Variants in NFIX observed in about 807,000 individuals in gnomAD.
The protein encoded by NFIX is nuclear factor I X.
NFIX carries 2 observed loss-of-function variants against 53.3 expected under a neutral mutation model. The observed-to-expected ratio is 0.04, with a 90% CI of 0.02 to 0.12. NFIX has a LOEUF of 0.12. NFIX is among the 10% of genes least tolerant of loss of function. The pLI, the probability that NFIX is intolerant of heterozygous loss-of-function variation, is 1.00. For missense variants in NFIX, 310 were observed against 674.5 expected (o/e 0.46, Z 5.99); for synonymous variants, 244 against 289.0 (o/e 0.84, Z 1.58).
At position 13,045,313 on chromosome 19, in the gene NFIX, G is replaced by T. The variant is rs1316677361; in HGVS notation, c.559+19761G>T. On this transcript the variant is annotated intron_variant, in intron 2 of 10. Coordinates refer to ENST00000592199, the MANE Select transcript of NFIX (RefSeq NM_001365902.3). This position sits in a 1 kb window ranked among gnomAD's most constrained non-coding sequence, Gnocchi z 4.4. ...TGCATGTGTTCCTGATAGCACAGGGGTTCTCAGTGAGGGTGGTTCTGCCCC... is the reference window on the plus strand; with the variant it reads ...TGCATGTGTTCCTGATAGCACAGGGTTTCTCAGTGAGGGTGGTTCTGCCCC... 6.6e-6 allele frequency among the ~76,000 whole-genome samples: 1 copy of T among 152,182 alleles called. No individual in the cohort carries two copies. Among genetic ancestry groups the T allele is most frequent in the East Asian group, 1.9e-4 (1 of 5,192 alleles).
chr19:13,083,102 ACT>A (rs2017569481), intron 8 of NFIX, among the ~76,000 whole-genome samples: 2 of 151,700 alleles, frequency 1.3e-5, no homozygotes, highest in South Asian at 4.2e-4. Flanking sequence ...CTCTTGGCTG[ACT>A]CTGCAGCTCC....
intron 1 of NFIX, among the ~76,000 whole-genome samples, chr19:13,003,368 CAT>C (rs2011830276): frequency 6.6e-6 from 1 of 152,198 alleles, no homozygotes; most frequent in Non-Finnish European, 1.5e-5. Flanking sequence ...CACACGATCA[CAT>C]GCCATGAAGC....
At chr19:13,018,808 G>A (rs1407657635) in intron 1 of NFIX, among the ~76,000 whole-genome samples, 1 of 152,244 alleles carries the variant, frequency 6.6e-6, no homozygotes, top group South Asian at 2.1e-4. Context: ...CTTGGGACAA[G>A]GTGGGAGAGC....
At chr19:13,076,756 G>A (rs1599851492) in intron 6 of NFIX, among the ~76,000 whole-genome samples, 1 of 152,210 alleles carries the variant, frequency 6.6e-6, no homozygotes, top group Admixed American at 6.5e-5. Context: ...GTCTGGGGTG[G>A]AGCGAGGTGG....
At position 13,094,931 on chromosome 19, in the gene NFIX, G is replaced by A. The variant is rs1217770074; in HGVS notation, c.*282G>A. 4.6e-6 allele frequency: 2 copies of A among 437,308 alleles called. No homozygotes were observed. Among genetic ancestry groups the A allele is most frequent in the East Asian group, 3.7e-5 (1 of 26,794 alleles). The allele number at this position is 437,308 out of a possible 1,614,324, so 27.1% of individuals were successfully genotyped here. A position where few individuals can be genotyped will look rare whatever the true frequency, so the allele number is the denominator to read the frequency against. On this transcript the variant is annotated 3_prime_UTR_variant, in exon 11 of 11. Transcript: ENST00000592199. The surrounding 1 kb of genome is among the most constrained non-coding windows in gnomAD (Gnocchi z 4.3). ...CGCGACATGGACTCTGTCAAGTAGA[G>A]GACAGAAAGCAAGAAAGGATGCAGA... is the stretch of plus-strand genomic sequence containing the variant.
chr19:13,026,882 G>A (rs749154876), intron 2 of NFIX, among the ~76,000 whole-genome samples: 5 of 152,102 alleles, frequency 3.3e-5, no homozygotes, highest in East Asian at 1.9e-4. Context: ...GTTTCTCCGC[G>A]AGTGTGTGTC....
chr19:13,085,803 C>T (rs528870496), intron 8 of NFIX, among the ~76,000 whole-genome samples: 5 of 152,250 alleles, frequency 3.3e-5, no homozygotes, highest in South Asian at 2.1e-4. Flanking sequence ...TTCAGAAGGG[C>T]GTGGCTGCAC....
In NFIX at chr19:13,011,325, G is replaced by A. The variant is rs567874230; in HGVS notation, c.28-13696G>A. Among the ~76,000 whole-genome samples, 22 of 152,342 alleles carry A rather than the reference G, an allele frequency of 1.4e-4. No individual in the cohort carries two copies. The highest frequency in any genetic ancestry group is 3.2e-4 in the Non-Finnish European group (22 of 68,024). ...ACCGCTTAAATTAACCCTGAGTGAC[G>A]GCTTGCAATTCGCCACAAAGAGGCC... On this transcript the variant is annotated intron_variant, in intron 1 of 10. Coordinates refer to ENST00000592199, the MANE Select transcript of NFIX (RefSeq NM_001365902.3). This position sits in a 1 kb window ranked among gnomAD's most constrained non-coding sequence, Gnocchi z 6.5.
Position 13,040,998 on chromosome 19 carries a change from C to A in NFIX, c.559+15446C>A, listed in dbSNP as rs554451684. 6.6e-6 allele frequency among the ~76,000 whole-genome samples: 1 copy of A among 152,180 alleles called. No individual in the cohort carries two copies. Among genetic ancestry groups the A allele is most frequent in the African/African-American group, 2.4e-5 (1 of 41,436 alleles). On this transcript the variant is annotated intron_variant, in intron 2 of 10. Coordinates refer to ENST00000592199, the MANE Select transcript of NFIX (RefSeq NM_001365902.3). This position sits in a 1 kb window ranked among gnomAD's most constrained non-coding sequence, Gnocchi z 4.2. ...GCCAGTTCTTGACTTTCTCTGAGAC[C>A]GGTTTTCCCCTCTGAAGTCCTCCTT... is the stretch of plus-strand genomic sequence containing the variant.
At chr19:13,071,134 G>A (rs1426441755) in intron 2 of NFIX, 1 of 152,246 alleles carries the variant, frequency 6.6e-6, no homozygotes, top group Non-Finnish European at 1.5e-5. Flanking sequence ...GAGACCCCTG[G>A]GCAGCAGAGT....
rs200623261 is a variant in NFIX, at chr19:13,073,872, C to T, written c.698-34C>T. ...ACAGACCCCATCAGGCCTCCCCCCA[C>T]CTCCAAACCTCATCACCCTCTCGTT... On this transcript the variant is annotated intron_variant, in intron 4 of 10. Transcript: ENST00000592199. This position sits in a 1 kb window ranked among gnomAD's most constrained non-coding sequence, Gnocchi z 4.5. The T allele has an allele frequency of 3.2e-5, 52 of 1,613,886 alleles. No homozygotes were observed. Among genetic ancestry groups the T allele is most frequent in the Non-Finnish European group, 3.3e-5 (39 of 1,179,836 alleles).
chr19:13,066,372 G>A lies in NFIX; in HGVS notation c.560-6675G>A, dbSNP rs1051615052. 2.1e-5 allele frequency among the ~76,000 whole-genome samples: 3 copies of A among 143,886 alleles called. No homozygotes were observed. In the Middle Eastern group the frequency reaches 0.01, roughly 500 times the overall value. 94.4% of individuals were successfully genotyped at this position (143,886 alleles called of 152,430 possible). On this transcript the variant is annotated intron_variant, in intron 2 of 10. Coordinates refer to ENST00000592199, the MANE Select transcript of NFIX (RefSeq NM_001365902.3). This position sits in a 1 kb window ranked among gnomAD's most constrained non-coding sequence, Gnocchi z 4.2. ...TCCCTACCCCCCCGCCCCCAACAAT[G>A]GCTTTTCTTGAGCCTAGGCCCTAGG...
In NFIX at chr19:13,001,576, G is replaced by A. The variant is rs1045283156; in HGVS notation, c.27+5712G>A. Among the ~76,000 whole-genome samples, 14 of 152,174 alleles carry A rather than the reference G, an allele frequency of 9.2e-5. No homozygotes were observed. Among genetic ancestry groups the A allele is most frequent in the Admixed American group, 2.0e-4 (3 of 15,284 alleles). On this transcript the variant is annotated intron_variant, in intron 1 of 10. Transcript: ENST00000592199. The surrounding 1 kb of genome is among the most constrained non-coding windows in gnomAD (Gnocchi z 6.5). ...CACATCTACAGCAGTGTTTTTCTGG[G>A]TGTCTGTGCGTCACGGCAAAGAGTG...
Position 13,036,719 on chromosome 19 carries a change from A to C in NFIX, c.559+11167A>C, listed in dbSNP as rs1442488895. Among the ~76,000 whole-genome samples, 1 of 152,188 alleles carries C rather than the reference A, an allele frequency of 6.6e-6. No homozygotes were observed. Among genetic ancestry groups the C allele is most frequent in the Non-Finnish European group, 1.5e-5 (1 of 68,024 alleles). ...ATAACAGGTGGCCCAGAATACAGAC[A>C]GGGGGTGTAATAAGTGTATATCCTC... On this transcript the variant is annotated intron_variant, in intron 2 of 10. Transcript: ENST00000592199. This position sits in a 1 kb window ranked among gnomAD's most constrained non-coding sequence, Gnocchi z 4.7.
rs1193407305 is a variant in NFIX, at chr19:13,028,680, G to A, written c.559+3128G>A. On this transcript the variant is annotated intron_variant, in intron 2 of 10. Coordinates refer to ENST00000592199, the MANE Select transcript of NFIX (RefSeq NM_001365902.3). This position sits in a 1 kb window ranked among gnomAD's most constrained non-coding sequence, Gnocchi z 4.2. ...TAGGAAGGGAGGTTGAGGCAGGGCA[G>A]GGTCAGAGAGCACTGCCGTGGGGAG... 1.3e-5 allele frequency among the ~76,000 whole-genome samples: 2 copies of A among 152,166 alleles called. No individual in the cohort carries two copies. Among genetic ancestry groups the A allele is most frequent in the Non-Finnish European group, 2.9e-5 (2 of 68,024 alleles).
In NFIX at chr19:13,073,923, T is replaced by G. The variant is rs1189517780; in HGVS notation, c.715T>G (p.Ser239Ala). 6.2e-7 allele frequency: 1 copy of G among 1,613,946 alleles called. No homozygotes were observed. Among genetic ancestry groups the G allele is most frequent in the Admixed American group, 1.7e-5 (1 of 60,022 alleles). Reference sequence around the variant, plus strand: ...CTTCCCAGCTCCTGTTGCAACAGCATCAGGGCCCAACTTCTCCCTGGCGGA... The same window carrying G: ...CTTCCCAGCTCCTGTTGCAACAGCAGCAGGGCCCAACTTCTCCCTGGCGGA... The part of the protein sequence containing the change: ...RVSQTPVATA[S>A]GPNFSLADLE... The change falls in exon 5 of 11, where the codon TCA becomes GCA. Residue 239 changes from serine (S) to alanine (A), a missense_variant. Ser to Ala is a moderately conservative substitution (Grantham distance 99). Coordinates refer to ENST00000592199, the MANE Select transcript of NFIX (RefSeq NM_001365902.3). The surrounding 1 kb of genome is among the most constrained non-coding windows in gnomAD (Gnocchi z 4.5).
chr19:12,999,012 CT>C (rs1296964041), intron 1 of NFIX, among the ~76,000 whole-genome samples: 1 of 152,070 alleles, frequency 6.6e-6, no homozygotes, highest in Non-Finnish European at 1.5e-5. Context: ...TCATGGAGCC[CT>C]GAGCACATGC....
chr19:13,069,433 C>A (rs756621573), intron 2 of NFIX, among the ~76,000 whole-genome samples: 2 of 152,242 alleles, frequency 1.3e-5, no homozygotes, highest in African/African-American at 2.4e-5. Context: ...CCAGCCAACA[C>A]TGTCCCTGCC....
chr19:13,092,841 G>T (rs889640721), intron 10 of NFIX, among the ~76,000 whole-genome samples: 17 of 152,238 alleles, frequency 1.1e-4, no homozygotes, highest in African/African-American at 4.1e-4. Context: ...TCAGGCCTGG[G>T]TTTCCGCCTT....
Sources: allele counts gnomAD v4.1 joint callset (sites outside exome capture counted in the v4.1 genomes callset), GRCh38; gene constraint gnomAD v4.1.1; non-coding constraint Gnocchi (gnomAD v3.1); transcripts MANE v1.5; gene names NCBI Gene and HGNC (gene_info 2026-07-23, HGNC 2026-07-21).